Variants in BCAS3 observed in about 807,000 individuals in gnomAD.
BCAS3 encodes BCAS4/BCAS3 fusion.
In BCAS3, 53 loss-of-function variants were observed where a neutral mutation model predicts 116.1. The ratio of observed to expected loss-of-function variants is 0.46; its 90% CI spans 0.37 to 0.57. BCAS3 has a LOEUF of 0.57. BCAS3 is among the 20% of genes least tolerant of loss of function. The pLI is 0.00. For synonymous variants in BCAS3, 391 were observed against 408.2 expected (o/e 0.96, Z 0.51); for missense variants, 917 against 1,165.4 (o/e 0.79, Z 3.10).
chr17:61,022,229 A>G (rs745670826), intron 16 of BCAS3, among the ~76,000 whole-genome samples: 23 of 151,896 alleles, frequency 1.5e-4, no homozygotes, highest in Middle Eastern at 3.2e-3. Context: ...TATACCATAT[A>G]TATATTTTTT....
At chr17:61,296,041 A>G (rs1033679755) in intron 22 of BCAS3, among the ~76,000 whole-genome samples, 1 of 152,154 alleles carries the variant, frequency 6.6e-6, no homozygotes, top group Non-Finnish European at 1.5e-5. Flanking sequence ...GCATCAGCCC[A>G]AAAGGGATAT....
At chr17:60,747,133 T>G (rs1254875611) in intron 5 of BCAS3, 65 bp from the exon 6 acceptor site, 2 of 1,094,554 alleles carry the variant, frequency 1.8e-6, no homozygotes, top group Non-Finnish European at 2.7e-6. Context: ...AAGATCTTGT[T>G]TTTATATAAT....
rs1196725554 is a variant in BCAS3, at chr17:61,156,209, C to T, written c.2425+71645C>T. Reference sequence around the variant, plus strand: ...AAGAAAAGTAAAATCTGAGTTGTTACTAAGCCTAATTCTCTGGTTAAAGTT... The same window carrying T: ...AAGAAAAGTAAAATCTGAGTTGTTATTAAGCCTAATTCTCTGGTTAAAGTT... On this transcript the variant is annotated intron_variant, in intron 22 of 23. Transcript: ENST00000407086. This position sits in a 1 kb window ranked among gnomAD's most constrained non-coding sequence, Gnocchi z 4.7. Among the ~76,000 whole-genome samples, 1 of 151,350 alleles carries T rather than the reference C, an allele frequency of 6.6e-6. No homozygotes were observed. Among genetic ancestry groups the T allele is most frequent in the Non-Finnish European group, 1.5e-5 (1 of 67,888 alleles).
intron 22 of BCAS3, among the ~76,000 whole-genome samples, chr17:61,195,331 G>C (rs1050436944): frequency 6.6e-6 from 1 of 151,994 alleles, no homozygotes; most frequent in African/African-American, 2.4e-5. Context: ...ACCAAACACT[G>C]TGCATCTCTC....
At chr17:60,708,716 G>A (rs1484628045) in intron 4 of BCAS3, among the ~76,000 whole-genome samples, 1 of 152,116 alleles carries the variant, frequency 6.6e-6, no homozygotes, top group African/African-American at 2.4e-5. Context: ...TTTTAGTGGA[G>A]ATGGGGTTTC....
At chr17:61,154,072 C>A (rs1369435175) in intron 22 of BCAS3, among the ~76,000 whole-genome samples, 1 of 152,162 alleles carries the variant, frequency 6.6e-6, no homozygotes, top group Non-Finnish European at 1.5e-5. Context: ...TGATGTTCAT[C>A]CCCCCACTGC....
rs67077498 is a variant in BCAS3 at position 60,814,269 on chromosome 17, TTGTG to T, written c.476+6228_476+6231del. On this transcript the variant is annotated intron_variant, in intron 7 of 23. Transcript: ENST00000407086. Reference sequence around the variant, plus strand: ...TTCATTAGATGTATTTCTTGGTATTTTGTGTGTGTGTGTGTGTGTGTGTGTGTGT... The same window carrying T: ...TTCATTAGATGTATTTCTTGGTATTTTGTGTGTGTGTGTGTGTGTGTGTGT... 7.7e-3 allele frequency among the ~76,000 whole-genome samples: 1,040 copies of T among 134,836 alleles called. 6 individuals are homozygous for T. Among genetic ancestry groups the T allele is most frequent in the East Asian group, 0.012 (58 of 4,826 alleles). 88.5% of individuals were successfully genotyped at this position (134,836 alleles called of 152,430 possible). A position where few individuals can be genotyped will look rare whatever the true frequency, so the allele number is the denominator to read the frequency against.
chr17:60,767,194 G>A (rs1028152681), intron 6 of BCAS3, among the ~76,000 whole-genome samples: 1 of 152,064 alleles, frequency 6.6e-6, no homozygotes, highest in African/African-American at 2.4e-5. Flanking sequence ...GCCCTCCGTG[G>A]GCTGCACCCA....
chr17:61,316,591 A>G lies in BCAS3; in HGVS notation c.2426-51736A>G, dbSNP rs2054759836. Among the ~76,000 whole-genome samples, 1 of 152,110 alleles carries G rather than the reference A, an allele frequency of 6.6e-6. No homozygotes were observed. The highest frequency in any genetic ancestry group is 1.5e-5 in the Non-Finnish European group (1 of 68,028). The stretch of plus-strand genomic sequence containing the variant: ...AGCTTTCCTCTTCGCTGCTAGGCAG[A>G]CTCAGAGGGGCCTGCAGCTGGTATC... On this transcript the variant is annotated intron_variant, in intron 22 of 23. Coordinates refer to ENST00000407086, the MANE Select transcript of BCAS3 (RefSeq NM_017679.5). This position sits in a 1 kb window ranked among gnomAD's most constrained non-coding sequence, Gnocchi z 5.8.
intron 22 of BCAS3, among the ~76,000 whole-genome samples, chr17:61,284,901 C>T: frequency 6.6e-6 from 1 of 152,210 alleles, no homozygotes; most frequent in East Asian, 1.9e-4. Context: ...GAAGGGACAG[C>T]AGAAGCTTCC....
intron 22 of BCAS3, among the ~76,000 whole-genome samples, chr17:61,317,599 G>T (rs956205301): frequency 1.3e-5 from 2 of 152,204 alleles, no homozygotes; most frequent in African/African-American, 4.8e-5. Flanking sequence ...TGGGTCAGTG[G>T]GGTAGTAGCA....
chr17:60,826,677 A>G lies in BCAS3; in HGVS notation c.476+18601A>G, dbSNP rs549102773. Among the ~76,000 whole-genome samples, 33 of 152,320 alleles carry G rather than the reference A, an allele frequency of 2.2e-4. No homozygotes were observed. In the Middle Eastern group the frequency reaches 0.031, roughly 141 times the overall value. On this transcript the variant is annotated intron_variant, in intron 7 of 23. Transcript: ENST00000407086. ...TTACTACCATATATTTCATGTAGCA[A>G]TGTTGCAAAGAGGTATGTTTTCCAT...
intron 22 of BCAS3, among the ~76,000 whole-genome samples, chr17:61,322,247 CA>C (rs2055284522): frequency 6.6e-6 from 1 of 152,202 alleles, no homozygotes; most frequent in Admixed American, 6.6e-5. Context: ...CTTATTTCCT[CA>C]GATTAGTATT....
Position 61,034,935 on chromosome 17 carries a change from T to G in BCAS3, c.1762+145T>G, listed in dbSNP as rs962946520. 26 of 682,156 alleles carry G rather than the reference T, an allele frequency of 3.8e-5. No individual in the cohort carries two copies. In the Admixed American group the frequency reaches 8.0e-4, roughly 21 times the overall value. 42.3% of individuals were successfully genotyped at this position (682,156 alleles called of 1,614,324 possible). A position where few individuals can be genotyped will look rare whatever the true frequency, so the allele number is the denominator to read the frequency against. On this transcript the variant is annotated intron_variant, in intron 17 of 23. Coordinates refer to ENST00000407086, the MANE Select transcript of BCAS3 (RefSeq NM_017679.5). This position sits in a 1 kb window ranked among gnomAD's most constrained non-coding sequence, Gnocchi z 5.0. ...TGTAATTAGCATGTCACTTCTCAAC[T>G]ACTCAAGCCTAGTCAAGAAGAAAAA...
At chr17:60,913,363 T>G (rs1394865167) in intron 12 of BCAS3, among the ~76,000 whole-genome samples, 2 of 152,108 alleles carry the variant, frequency 1.3e-5, no homozygotes, top group Non-Finnish European at 2.9e-5. Flanking sequence ...GGAAAGAAAT[T>G]GATTTTCAAT....
chr17:61,306,062 A>G (rs918776053), intron 22 of BCAS3, among the ~76,000 whole-genome samples: 6 of 152,210 alleles, frequency 3.9e-5, no homozygotes, highest in African/African-American at 1.2e-4. Flanking sequence ...GTTCTGGAAC[A>G]CTTCTGACTT....
Position 61,144,867 on chromosome 17 carries a change from T to G in BCAS3, c.2425+60303T>G, listed in dbSNP as rs1170629805. The stretch of plus-strand genomic sequence containing the variant: ...AATGATGCTGCTAAGATTCGCAGAT[T>G]AAGATCATTATAGCATTTGAGTAGG... On this transcript the variant is annotated intron_variant, in intron 22 of 23. Transcript: ENST00000407086. The surrounding 1 kb of genome is among the most constrained non-coding windows in gnomAD (Gnocchi z 5.0). 6.6e-6 allele frequency among the ~76,000 whole-genome samples: 1 copy of G among 152,248 alleles called. No individual in the cohort carries two copies. Among genetic ancestry groups the G allele is most frequent in the Non-Finnish European group, 1.5e-5 (1 of 68,042 alleles).
chr17:60,796,360 C>CT (rs1266867952), intron 6 of BCAS3, among the ~76,000 whole-genome samples: 1 of 151,888 alleles, frequency 6.6e-6, no homozygotes, highest in African/African-American at 2.4e-5. Flanking sequence ...TGGTCCTGGA[C>CT]TTTTTTTTGT....
rs921586882 is a variant in BCAS3 at position 61,214,018 on chromosome 17, A to C, written c.2425+129454A>C. Among the ~76,000 whole-genome samples the C allele has an allele frequency of 6.6e-6, 1 of 152,090 alleles. No individual in the cohort carries two copies. Among genetic ancestry groups the C allele is most frequent in the Non-Finnish European group, 1.5e-5 (1 of 68,026 alleles). ...GGGGCTTCACTGCACAGTAGGCTGG[A>C]GATTCTACCTAACCTCACAGGACTC... On this transcript the variant is annotated intron_variant, in intron 22 of 23. Transcript: ENST00000407086. This position sits in a 1 kb window ranked among gnomAD's most constrained non-coding sequence, Gnocchi z 4.4.
Sources: gnomAD v4.1 joint callset for allele counts (sites outside exome capture counted in the v4.1 genomes callset) on GRCh38, gnomAD v4.1.1 for gene constraint, Gnocchi (gnomAD v3.1) non-coding constraint, MANE v1.5 for transcripts, NCBI Gene and HGNC (gene_info 2026-07-23, HGNC 2026-07-21) for gene names.